The following CBFA2T3 variants were observed in gnomAD, a reference collection of about 807,000 sequenced individuals.
CBFA2T3 encodes transcriptional corepressor CBFA2T3.
A neutral mutation model predicts 58.6 loss-of-function variants in CBFA2T3; 31 were observed. The ratio of observed to expected loss-of-function variants is 0.53; its 90% CI spans 0.40 to 0.71. The LOEUF (loss-of-function observed/expected upper bound fraction) is 0.71. Ranked by LOEUF, CBFA2T3 falls within the 30% of genes least tolerant of loss-of-function variation. CBFA2T3 has a pLI of 0.00. For synonymous variants in CBFA2T3, 531 were observed against 421.9 expected (o/e 1.26, Z -3.17); for missense variants, 1,076 against 963.1 (o/e 1.12, Z -1.55).
intron 1 of CBFA2T3, among the ~76,000 whole-genome samples, chr16:88,973,597 C>T (rs1277975317): frequency 6.6e-6 from 1 of 152,182 alleles, no homozygotes; most frequent in Admixed American, 6.5e-5. Flanking sequence ...GGACCCAGAA[C>T]ATTCCAAACC....
chr16:88,895,952 G>T (rs993240902), intron 3 of CBFA2T3, among the ~76,000 whole-genome samples: 1 of 152,190 alleles, frequency 6.6e-6, no homozygotes, highest in Non-Finnish European at 1.5e-5. Flanking sequence ...GGGCTCCAGG[G>T]ACCAGAGGAC....
chr16:88,898,644 C>T (rs960786107), intron 2 of CBFA2T3, among the ~76,000 whole-genome samples: 7 of 152,230 alleles, frequency 4.6e-5, no homozygotes, highest in East Asian at 1.9e-4. Flanking sequence ...GCCGAAGCCG[C>T]GTGTCCTAAA....
chr16:88,974,529 T>G lies in CBFA2T3; in HGVS notation c.151+2128A>C, dbSNP rs996772007. Among the ~76,000 whole-genome samples the G allele has an allele frequency of 4.6e-5, 7 of 152,270 alleles. No homozygotes were observed. In the East Asian group the frequency reaches 1.2e-3, roughly 25 times the overall value. On this transcript the variant is annotated intron_variant, in intron 1 of 11. Coordinates refer to ENST00000268679, the MANE Select transcript of CBFA2T3 (RefSeq NM_005187.6). ...CTGCACAGCACACAGACGTCTCTCC[T>G]GCCCGCCACCAAACGCGCAGCAACA...
intron 1 of CBFA2T3, among the ~76,000 whole-genome samples, chr16:88,972,055 A>G (rs973784578): frequency 5.3e-5 from 8 of 152,034 alleles, no homozygotes; most frequent in African/African-American, 1.9e-4. Context: ...GACCCTAGGC[A>G]CCGCCCCTGT....
At chr16:88,928,518 C>T (rs1438692933) in intron 1 of CBFA2T3, among the ~76,000 whole-genome samples, 3 of 152,246 alleles carry the variant, frequency 2.0e-5, no homozygotes, top group Non-Finnish European at 4.4e-5. Flanking sequence ...AGCTTGCAGG[C>T]AGCCCAGCCG....
intron 1 of CBFA2T3, among the ~76,000 whole-genome samples, chr16:88,908,686 G>A (rs1268794073): frequency 2.0e-5 from 3 of 152,206 alleles, no homozygotes; most frequent in Non-Finnish European, 4.4e-5. Context: ...TCATCTTTCC[G>A]GCCTTCCCCG....
intron 1 of CBFA2T3, among the ~76,000 whole-genome samples, chr16:88,908,341 CAAAA>C (rs758798172): frequency 7.8e-6 from 1 of 128,972 alleles, no homozygotes; most frequent in Non-Finnish European, 1.7e-5. Flanking sequence ...GACTCTGTTT[CAAAA>C]AAAAAAAAAA....
chr16:88,881,776 G>T (rs1330312763), intron 8 of CBFA2T3, among the ~76,000 whole-genome samples: 1 of 152,236 alleles, frequency 6.6e-6, no homozygotes, highest in Non-Finnish European at 1.5e-5. Context: ...CTCTGCCTCA[G>T]GGACCTGGCT....
chr16:88,948,852 C>T (rs373546567), intron 1 of CBFA2T3, among the ~76,000 whole-genome samples: 5 of 152,118 alleles, frequency 3.3e-5, no homozygotes, highest in Non-Finnish European at 5.9e-5. Flanking sequence ...GAAGTTCACA[C>T]GAGAACCAGG....
intron 1 of CBFA2T3, among the ~76,000 whole-genome samples, chr16:88,918,540 G>A (rs930112754): frequency 3.9e-5 from 6 of 152,232 alleles, no homozygotes; most frequent in Non-Finnish European, 8.8e-5. Context: ...CAGGCCCTGA[G>A]CTCCAAGCGT....
intron 1 of CBFA2T3, among the ~76,000 whole-genome samples, chr16:88,928,881 G>A (rs1232977098): frequency 6.6e-6 from 1 of 152,216 alleles, no homozygotes; most frequent in Non-Finnish European, 1.5e-5. Flanking sequence ...GTCGGGGGGA[G>A]CATTCCAGGC....
At position 88,892,284 on chromosome 16, in the gene CBFA2T3, TCTG is replaced by T; in HGVS notation, c.578_580del (p.Pro193_Glu194delinsGln). 1 of 1,612,256 alleles carries T rather than the reference TCTG, an allele frequency of 6.2e-7. No homozygotes were observed. Among genetic ancestry groups the T allele is most frequent in the Non-Finnish European group, 8.5e-7 (1 of 1,179,884 alleles). On this transcript the variant is annotated inframe_deletion, in exon 4 of 12. Transcript: ENST00000268679. ...CAGTGTGCGCACGCGCTCCCCAATCTCTGGGGAGATGTCGCTGCCAAACTGCTG... is the reference window on the plus strand; with the variant it reads ...CAGTGTGCGCACGCGCTCCCCAATCTGGGAGATGTCGCTGCCAAACTGCTG...
chr16:88,903,682 G>A (rs866163981), intron 1 of CBFA2T3, among the ~76,000 whole-genome samples: 3 of 116,678 alleles, frequency 2.6e-5, no homozygotes, highest in Admixed American at 8.0e-5. Context: ...GTTCCTGGGG[G>A]GGCATTCCTG....
intron 2 of CBFA2T3, among the ~76,000 whole-genome samples, chr16:88,898,530 A>G (rs1372287315): frequency 1.3e-5 from 2 of 152,216 alleles, no homozygotes; most frequent in African/African-American, 4.8e-5. Flanking sequence ...CGGAGTTTAC[A>G]AGAACCGCGG....
At chr16:88,899,807 G>C (rs1252125514) in intron 2 of CBFA2T3, among the ~76,000 whole-genome samples, 1 of 152,194 alleles carries the variant, frequency 6.6e-6, no homozygotes, top group Non-Finnish European at 1.5e-5. Context: ...CCCATGGCCG[G>C]GTCTCCCGTG....
At chr16:88,919,593 G>C (rs573605776) in intron 1 of CBFA2T3, among the ~76,000 whole-genome samples, 1 of 152,164 alleles carries the variant, frequency 6.6e-6, no homozygotes, top group African/African-American at 2.4e-5. Flanking sequence ...CCCACTCCTC[G>C]AATTCTCCAA....
intron 1 of CBFA2T3, among the ~76,000 whole-genome samples, chr16:88,972,921 G>A (rs997440558): frequency 5.3e-5 from 8 of 152,186 alleles, no homozygotes; most frequent in Non-Finnish European, 7.4e-5. Context: ...CCCTTTGCAG[G>A]CACCCTTGGG....
intron 1 of CBFA2T3, among the ~76,000 whole-genome samples, chr16:88,971,986 C>T (rs1370026690): frequency 2.6e-5 from 4 of 152,234 alleles, no homozygotes; most frequent in African/African-American, 4.8e-5. Flanking sequence ...AAAGAGTGGC[C>T]TCCTAGAGCC....
intron 1 of CBFA2T3, among the ~76,000 whole-genome samples, chr16:88,975,414 C>T (rs944936714): frequency 1.3e-5 from 2 of 152,238 alleles, no homozygotes; most frequent in African/African-American, 2.4e-5. Flanking sequence ...GAGCCCGTCT[C>T]TCTCCGCGCC....
Sources: allele counts gnomAD v4.1 joint callset (sites outside exome capture counted in the v4.1 genomes callset), GRCh38; gene constraint gnomAD v4.1.1; transcripts MANE v1.5; gene names NCBI Gene and HGNC (gene_info 2026-07-23, HGNC 2026-07-21).